Variants in SMARCC1 observed in about 807,000 individuals in gnomAD.
The protein encoded by SMARCC1 is SWI/SNF related BAF chromatin remodeling complex subunit C1.
In SMARCC1, 43 loss-of-function variants were observed where a neutral mutation model predicts 147.4. That is an observed-to-expected ratio of 0.29 (90% CI 0.23 to 0.38). The LOEUF (loss-of-function observed/expected upper bound fraction) is 0.38. SMARCC1 is among the 10% of genes least tolerant of loss of function. SMARCC1 has a pLI of 1.00. For synonymous variants in SMARCC1, 495 were observed against 484.4 expected, an observed-to-expected ratio of 1.02 and a Z score of -0.29; for missense variants, 1,119 against 1,381.1, an observed-to-expected ratio of 0.81 and a Z score of 3.01.
At chr3:47,666,107 T>C (rs933991575) in intron 19 of SMARCC1, among the ~76,000 whole-genome samples, 14 of 152,202 alleles carry the variant, frequency 9.2e-5, no homozygotes, top group African/African-American at 3.4e-4. Context: ...GGACACTGCC[T>C]ACTTCTCCCG....
intron 9 of SMARCC1, among the ~76,000 whole-genome samples, chr3:47,710,300 A>G (rs1423142637): frequency 1.3e-5 from 2 of 152,188 alleles, no homozygotes; most frequent in Admixed American, 1.3e-4. Flanking sequence ...CCTGGGCTAC[A>G]GAGCAAGACT....
Position 47,639,715 on chromosome 3 carries a change from A to AAACCAACCAACC in SMARCC1, c.2321-947_2321-936dup, listed in dbSNP as rs58771135. On this transcript the variant is annotated intron_variant, in intron 21 of 27. Transcript: ENST00000254480. ...GGAGACAGAGTGAGACTACATCTCA[A>AAACCAACCAACC]AACCAACCAACCAACCAACCAACCA... Among the ~76,000 whole-genome samples the AAACCAACCAACC allele has an allele frequency of 4.4e-3, 648 of 148,398 alleles. 1 individual carries two copies. The highest frequency in any genetic ancestry group is 9.6e-3 in the East Asian group (48 of 4,984).
At chr3:47,598,862 GACACACACACAC>G (rs113400730) in intron 26 of SMARCC1, among the ~76,000 whole-genome samples, 1 of 128,132 alleles carries the variant, frequency 7.8e-6, no homozygotes, top group Admixed American at 8.6e-5. Context: ...GAGAGAGAGA[GACACACACACAC>G]ACACACACAC....
chr3:47,656,701 GC>G (rs1244664084), intron 21 of SMARCC1, among the ~76,000 whole-genome samples: 1 of 152,146 alleles, frequency 6.6e-6, no homozygotes, highest in Admixed American at 6.5e-5. Flanking sequence ...GATCACTTGA[GC>G]CAAGGAGTTC....
rs2034466556 is a variant in SMARCC1 at position 47,738,120 on chromosome 3, A to C, written c.402-10T>G. Reference sequence around the variant, plus strand: ...TAGGTCAAACCTCCGCCTAAAAAAAAAGAAAAACCCTAGTTAATTTGTCTC... The same window carrying C: ...TAGGTCAAACCTCCGCCTAAAAAAACAGAAAAACCCTAGTTAATTTGTCTC... On this transcript the variant is annotated splice_polypyrimidine_tract_variant and intron_variant, in intron 3 of 27. Transcript: ENST00000254480. 1 of 1,552,040 alleles carries C rather than the reference A, an allele frequency of 6.4e-7. No individual in the cohort carries two copies. Among genetic ancestry groups the C allele is most frequent in the South Asian group, 1.2e-5 (1 of 80,460 alleles).
intron 2 of SMARCC1, among the ~76,000 whole-genome samples, chr3:47,761,365 A>G (rs781429338): frequency 1.3e-5 from 2 of 152,172 alleles, no homozygotes; most frequent in Non-Finnish European, 2.9e-5. Flanking sequence ...ATAACTAAAT[A>G]AAATATGTGG....
chr3:47,629,410 T>G (rs1176444522), intron 24 of SMARCC1, among the ~76,000 whole-genome samples: 1 of 151,860 alleles, frequency 6.6e-6, no homozygotes, highest in African/African-American at 2.4e-5. Context: ...GACAAGAGAG[T>G]AGACTGTGGA....
chr3:47,746,922 G>T (rs188181684), intron 2 of SMARCC1, among the ~76,000 whole-genome samples: 1 of 151,856 alleles, frequency 6.6e-6, no homozygotes, highest in African/African-American at 2.4e-5. Flanking sequence ...TAGAGACAGG[G>T]TTTCTCTATG....
intron 2 of SMARCC1, among the ~76,000 whole-genome samples, chr3:47,752,040 C>G (rs543450272): frequency 6.6e-6 from 1 of 152,106 alleles, no homozygotes; most frequent in Admixed American, 6.6e-5. Context: ...ACCGAGATTG[C>G]GCCACTGTAC....
intron 26 of SMARCC1, 54 bp from the exon 27 acceptor site, chr3:47,590,891 G>A: frequency 6.8e-7 from 1 of 1,470,044 alleles, no homozygotes; most frequent in Non-Finnish European, 9.3e-7. Context: ...GTGTAAGAAA[G>A]GGATCAACTT....
intron 1 of SMARCC1, among the ~76,000 whole-genome samples, chr3:47,779,430 T>C (rs562098988): frequency 1.1e-4 from 16 of 152,330 alleles, no homozygotes; most frequent in Non-Finnish European, 1.9e-4. Context: ...TTTCACCACT[T>C]CAACGCTAAC....
intron 6 of SMARCC1, among the ~76,000 whole-genome samples, 191 bp downstream of exon 6, chr3:47,728,834 C>G (rs573081804): frequency 6.6e-6 from 1 of 152,246 alleles, no homozygotes; most frequent in South Asian, 2.1e-4. Flanking sequence ...TCTCTTGAAC[C>G]CGGGAGGTGG....
intron 25 of SMARCC1, among the ~76,000 whole-genome samples, chr3:47,616,692 C>T (rs1233246846): frequency 6.6e-6 from 1 of 151,902 alleles, no homozygotes; most frequent in African/African-American, 2.4e-5. Flanking sequence ...GTGATCCTCC[C>T]GCCTTGGCCT....
At chr3:47,606,732 T>A (rs574191369) in intron 26 of SMARCC1, among the ~76,000 whole-genome samples, 1 of 152,302 alleles carries the variant, frequency 6.6e-6, no homozygotes, top group East Asian at 1.9e-4. Context: ...AGGGTCTCAC[T>A]CTGTTGCCCA....
chr3:47,682,401 C>A (rs1202759600), intron 14 of SMARCC1, among the ~76,000 whole-genome samples: 1 of 152,060 alleles, frequency 6.6e-6, no homozygotes, highest in Non-Finnish European at 1.5e-5. Flanking sequence ...GCCCCAGCCT[C>A]CAGGATAGCC....
intron 22 of SMARCC1, among the ~76,000 whole-genome samples, chr3:47,637,504 G>C (rs1175401027): frequency 6.6e-6 from 1 of 152,132 alleles, no homozygotes; most frequent in Non-Finnish European, 1.5e-5. Context: ...CTGAGGTCAG[G>C]AGTTCCAGAC....
intron 24 of SMARCC1, among the ~76,000 whole-genome samples, chr3:47,633,466 G>A (rs566861558): frequency 2.0e-5 from 3 of 152,010 alleles, no homozygotes; most frequent in East Asian, 1.9e-4. Context: ...GCGAGAGGCC[G>A]GGCATGGTGT....
chr3:47,748,202 A>AAC (rs1433871052), intron 2 of SMARCC1, among the ~76,000 whole-genome samples: 1 of 152,114 alleles, frequency 6.6e-6, no homozygotes, highest in African/African-American at 2.4e-5. Flanking sequence ...ATTGTAAGTG[A>AAC]ACACTTTTAT....
intron 3 of SMARCC1, among the ~76,000 whole-genome samples, chr3:47,741,255 G>A (rs1332001593): frequency 6.6e-6 from 1 of 151,498 alleles, no homozygotes; most frequent in Non-Finnish European, 1.5e-5. Context: ...AAGAGAGTTA[G>A]TCATATCAAC....
Sources: allele counts gnomAD v4.1 joint callset (sites outside exome capture counted in the v4.1 genomes callset), GRCh38; gene constraint gnomAD v4.1.1; transcripts MANE v1.5; gene names NCBI Gene and HGNC (gene_info 2026-07-23, HGNC 2026-07-21).